The following USP3 variants were observed in gnomAD, a reference collection of about 807,000 sequenced individuals.
The protein encoded by USP3 is ubiquitin specific peptidase 3.
USP3 carries 20 observed loss-of-function variants against 72.3 expected under a neutral mutation model. The observed-to-expected ratio is 0.28, with a 90% confidence interval of 0.19 to 0.40. The LOEUF is 0.40. USP3 is among the 10% of genes least tolerant of loss of function. The pLI, the probability that USP3 is intolerant of heterozygous loss-of-function variation, is 1.00. For missense variants in USP3, 479 were observed against 633.9 expected, an observed-to-expected ratio of 0.76 and a Z score of 2.62; for synonymous variants, 222 against 225.3, an observed-to-expected ratio of 0.99 and a Z score of 0.13.
intron 8 of USP3, among the ~76,000 whole-genome samples, chr15:63,563,336 C>T (rs2066637412): frequency 6.6e-6 from 1 of 152,114 alleles, no homozygotes; most frequent in Non-Finnish European, 1.5e-5. Flanking sequence ...GAATAATTAC[C>T]ATCACACACT....
intron 3 of USP3, among the ~76,000 whole-genome samples, chr15:63,548,317 T>A (rs2066383230): frequency 6.6e-6 from 1 of 150,478 alleles, no homozygotes; most frequent in African/African-American, 2.5e-5. Context: ...ATTTATTATT[T>A]TATTTTTGCT....
At chr15:63,556,000 T>A (rs140938619) in intron 4 of USP3, among the ~76,000 whole-genome samples, 1 of 152,240 alleles carries the variant, frequency 6.6e-6, no homozygotes, top group Non-Finnish European at 1.5e-5. Context: ...CATAAAATTT[T>A]AAAGTGACCT....
intron 3 of USP3, 138 bp downstream of exon 3, chr15:63,537,294 A>C: frequency 2.0e-6 from 2 of 1,013,888 alleles, no homozygotes; most frequent in South Asian, 5.2e-5. Flanking sequence ...GGAGGACTGG[A>C]GCCATTGGGA....
intron 3 of USP3, among the ~76,000 whole-genome samples, chr15:63,541,099 C>T (rs2066238002): frequency 6.6e-6 from 1 of 152,080 alleles, no homozygotes; most frequent in African/African-American, 2.4e-5. Flanking sequence ...ATAGTCTTGT[C>T]AACTTCGATA....
intron 11 of USP3, among the ~76,000 whole-genome samples, chr15:63,577,759 TAAATA>T (rs1445833829): frequency 6.6e-6 from 1 of 151,028 alleles, no homozygotes; most frequent in African/African-American, 2.4e-5. Flanking sequence ...TCAAAATAAA[TAAATA>T]AAATAATAAG....
chr15:63,506,089 C>T (rs1378043698), intron 1 of USP3, among the ~76,000 whole-genome samples: 1 of 152,216 alleles, frequency 6.6e-6, no homozygotes, highest in Non-Finnish European at 1.5e-5. Flanking sequence ...TGATGCTTTG[C>T]TTGCCTTTGT....
chr15:63,559,866 G>T lies in USP3; in HGVS notation c.543G>T (p.Glu181Asp). 6.2e-7 allele frequency: 1 copy of T among 1,612,266 alleles called. No homozygotes were observed. The highest frequency in any genetic ancestry group is 8.5e-7 in the Non-Finnish European group (1 of 1,179,206). Residue 181 changes from glutamate (E) to aspartate (D), a missense_variant, in exon 7 of 15, where the codon GAG becomes GAT. Physicochemically the swap from Glu to Asp is conservative, Grantham distance 45. Transcript: ENST00000380324. ...NAILQSLSNI[E>D]QFCCYFKELP... ...CTTCCTTTTAAAATAGTAACATTGA[G>T]CAGTTTTGCTGTTATTTCAAAGAAC...
At chr15:63,583,962 G>C (rs544891554) in intron 11 of USP3, among the ~76,000 whole-genome samples, 1 of 152,084 alleles carries the variant, frequency 6.6e-6, no homozygotes, top group South Asian at 2.1e-4. Flanking sequence ...CCTGCTTCCA[G>C]TTCTTTTGGG....
chr15:63,562,004 C>A lies in USP3; in HGVS notation c.648-891C>A, dbSNP rs558481156. On this transcript the variant is annotated intron_variant, in intron 7 of 14. Coordinates refer to ENST00000380324, the MANE Select transcript of USP3 (RefSeq NM_006537.4). ...TCCTCACATAAAAGTCAGAGGCTGT[C>A]TGTCTAGGGTGGTTTGACAAAGCCA... Among the ~76,000 whole-genome samples the A allele has an allele frequency of 1.8e-4, 28 of 152,270 alleles. No homozygotes were observed. The South Asian group carries it at 5.2e-3, about 28-fold the overall frequency.
intron 9 of USP3, among the ~76,000 whole-genome samples, chr15:63,573,607 A>G (rs1278121400): frequency 6.6e-6 from 1 of 152,240 alleles, no homozygotes; most frequent in East Asian, 1.9e-4. Context: ...AAACTATCTC[A>G]GATCAAGGAT....
intron 11 of USP3, among the ~76,000 whole-genome samples, chr15:63,586,025 C>G (rs1595777470): frequency 6.6e-6 from 1 of 152,162 alleles, no homozygotes; most frequent in Admixed American, 6.5e-5. Flanking sequence ...TCCATGAATA[C>G]AGGATGTCTT....
intron 4 of USP3, 186 bp from the exon 5 acceptor site, chr15:63,556,481 G>A: frequency 4.3e-6 from 2 of 461,872 alleles, no homozygotes; most frequent in Non-Finnish European, 7.9e-6. Context: ...AGGAGCAATG[G>A]GGATTTCCAA....
In USP3 at chr15:63,588,583, A is replaced by C. The variant is rs749316126; in HGVS notation, c.1216-119A>C. 1 of 942,742 alleles carries C rather than the reference A, an allele frequency of 1.1e-6. No homozygotes were observed. Among genetic ancestry groups the C allele is most frequent in the Admixed American group, 2.1e-5 (1 of 46,808 alleles). 58.4% of individuals were successfully genotyped at this position (942,742 alleles called of 1,614,324 possible). On this transcript the variant is annotated intron_variant, in intron 12 of 14. Coordinates refer to ENST00000380324, the MANE Select transcript of USP3 (RefSeq NM_006537.4). The surrounding 1 kb of genome is among the most constrained non-coding windows in gnomAD (Gnocchi z 4.6). ...TACAGAATGAATGCATAAGGTATGC[A>C]TGGAAGAATGATTGATAGGGCAGCT...
intron 6 of USP3, 73 bp downstream of exon 6, chr15:63,558,261 C>T: frequency 6.7e-7 from 1 of 1,485,428 alleles, no homozygotes; most frequent in Non-Finnish European, 9.4e-7. Context: ...CCTATCTCGT[C>T]TGCCACTAAC....
intron 1 of USP3, among the ~76,000 whole-genome samples, chr15:63,507,574 G>A (rs1019191824): frequency 6.6e-6 from 1 of 152,108 alleles, no homozygotes; most frequent in African/African-American, 2.4e-5. Flanking sequence ...CATTAAATGG[G>A]GACTAGAACA....
At chr15:63,533,990 A>C in intron 2 of USP3, 1 of 516,412 alleles carries the variant, frequency 1.9e-6, no homozygotes, top group Non-Finnish European at 2.6e-6. Flanking sequence ...TACAACCTAA[A>C]TCTTGATGGT....
At chr15:63,576,168 G>A (rs2066860472) in intron 11 of USP3, among the ~76,000 whole-genome samples, 1 of 152,024 alleles carries the variant, frequency 6.6e-6, no homozygotes, top group Non-Finnish European at 1.5e-5. Context: ...TGTATTTTTA[G>A]TAGAGACGAG....
chr15:63,530,984 A>G (rs2066066218), intron 1 of USP3, among the ~76,000 whole-genome samples: 1 of 152,232 alleles, frequency 6.6e-6, no homozygotes, highest in Non-Finnish European at 1.5e-5. Flanking sequence ...CCAGTTGAGT[A>G]AAAAATGCCT....
At chr15:63,521,544 G>A (rs62011302) in intron 1 of USP3, among the ~76,000 whole-genome samples, 18,638 of 152,092 alleles carry the variant, frequency 0.12, 1,576 homozygotes, top group South Asian at 0.19. Context: ...TTTTCTGTTG[G>A]GAAACCTTGA....
Sources: allele counts gnomAD v4.1 joint callset (sites outside exome capture counted in the v4.1 genomes callset), GRCh38; gene constraint gnomAD v4.1.1; non-coding constraint Gnocchi (gnomAD v3.1); transcripts MANE v1.5; gene names NCBI Gene and HGNC (gene_info 2026-07-23, HGNC 2026-07-21).